MAP2K4: variants seen among roughly 807,000 people sequenced by gnomAD.
MAP2K4 encodes the protein mitogen-activated protein kinase kinase 4.
MAP2K4 carries 4 observed loss-of-function variants against 48.5 expected under a neutral mutation model. The observed-to-expected ratio is 0.08, with a 90% CI of 0.04 to 0.19. The LOEUF is 0.19. Among genes scored for constraint, MAP2K4 ranks in the 10% least tolerant of loss-of-function variants. The pLI, the probability that MAP2K4 is intolerant of heterozygous loss-of-function variation, is 1.00. For synonymous variants in MAP2K4, 166 were observed against 173.1 expected (o/e 0.96, Z 0.32); for missense variants, 258 against 493.3 (o/e 0.52, Z 4.52).
intron 1 of MAP2K4, among the ~76,000 whole-genome samples, chr17:12,026,210 A>G (rs982359328): frequency 2.0e-5 from 3 of 152,198 alleles, no homozygotes; most frequent in Non-Finnish European, 4.4e-5. Context: ...TGTGTGCTGA[A>G]ACTTGTTTAA....
chr17:12,054,971 A>G lies in MAP2K4; in HGVS notation c.198A>G (p.Thr66=), dbSNP rs746529594. 5 of 1,610,680 alleles carry G rather than the reference A, an allele frequency of 3.1e-6. No homozygotes were observed. The African/African-American group carries it at 6.7e-5, about 22-fold the overall frequency. Reference sequence around the variant, plus strand: ...GGTTTACTCTGAATCCCAATCCTACAGGAGTTCAAAACCCACACATGTGAG... The same window carrying G: ...GGTTTACTCTGAATCCCAATCCTACGGGAGTTCAAAACCCACACATGTGAG... ...TARFTLNPNP[T]GVQNPHIERL... Residue 66 remains threonine, a synonymous_variant, in exon 2 of 11, where the codon ACA becomes ACG. Coordinates refer to ENST00000353533, the MANE Select transcript of MAP2K4 (RefSeq NM_003010.4).
chr17:12,142,057 G>T lies in MAP2K4; in HGVS notation c.*797G>T, dbSNP rs59832266. The T allele has an allele frequency of 3.4e-5, 8 of 233,350 alleles. No individual in the cohort carries two copies. The highest frequency in any genetic ancestry group is 3.0e-4 in the East Asian group (5 of 16,554). The allele number at this position is 233,350 out of a possible 1,614,324, so 14.5% of individuals were successfully genotyped here. On this transcript the variant is annotated 3_prime_UTR_variant, in exon 11 of 11. Transcript: ENST00000353533. ...AAGAATTTTTCATTCTCAGAATTCG[G>T]TGTGCTGCCAACTTGATGTTCCACC...
intron 2 of MAP2K4, among the ~76,000 whole-genome samples, chr17:12,080,906 C>A (rs781222073): frequency 6.6e-6 from 1 of 152,162 alleles, no homozygotes; most frequent in Admixed American, 6.5e-5. Context: ...AATAGTTGTA[C>A]TAACTGAAGA....
At chr17:12,088,440 T>C (rs1459077821) in intron 3 of MAP2K4, among the ~76,000 whole-genome samples, 1 of 94,638 alleles carries the variant, frequency 1.1e-5, no homozygotes, top group African/African-American at 3.6e-5. Flanking sequence ...ATATATTACA[T>C]ATAATATATA....
At chr17:12,059,761 A>G (rs185063290) in intron 2 of MAP2K4, among the ~76,000 whole-genome samples, 2 of 152,330 alleles carry the variant, frequency 1.3e-5, no homozygotes, top group Admixed American at 1.3e-4. Context: ...TCCCTAGTTA[A>G]TAACTAATAT....
intron 10 of MAP2K4, among the ~76,000 whole-genome samples, chr17:12,140,429 C>T (rs1973341275): frequency 6.6e-6 from 1 of 152,170 alleles, no homozygotes; most frequent in South Asian, 2.1e-4. Flanking sequence ...TAACTACTAG[C>T]TCTTCAAGGA....
At chr17:12,032,026 TAA>T (rs1969455739) in intron 1 of MAP2K4, among the ~76,000 whole-genome samples, 1 of 152,174 alleles carries the variant, frequency 6.6e-6, no homozygotes, top group Admixed American at 6.5e-5. Context: ...AAATAAAGAT[TAA>T]GACTGCAACA....
At chr17:12,117,799 G>T (rs897280528) in intron 7 of MAP2K4, among the ~76,000 whole-genome samples, 1 of 152,184 alleles carries the variant, frequency 6.6e-6, no homozygotes, top group Non-Finnish European at 1.5e-5. Context: ...TTACAGAAAA[G>T]TGTGGTGTTC....
chr17:12,133,752 A>G lies in MAP2K4; in HGVS notation c.1040+4465A>G, dbSNP rs187628436. On this transcript the variant is annotated intron_variant, in intron 9 of 10. Transcript: ENST00000353533. ...CTAATCCAAAATTTATCGTGTGCAG[A>G]GGGGAATATAAAAAGTCACTAGGAC... Among the ~76,000 whole-genome samples, 13 of 152,340 alleles carry G rather than the reference A, an allele frequency of 8.5e-5. No homozygotes were observed. In the East Asian group the frequency reaches 2.5e-3, roughly 29 times the overall value.
chr17:12,111,954 C>T (rs771156490), intron 6 of MAP2K4, among the ~76,000 whole-genome samples: 1 of 152,148 alleles, frequency 6.6e-6, no homozygotes, highest in Non-Finnish European at 1.5e-5. Context: ...GAGGTGCTCT[C>T]GTGCTGTGCA....
intron 2 of MAP2K4, among the ~76,000 whole-genome samples, chr17:12,067,846 T>C (rs758156947): frequency 6.6e-6 from 1 of 152,234 alleles, no homozygotes. Context: ...TGTTACTTCA[T>C]GAAGCTTGAG....
At chr17:12,048,949 G>A (rs1381457828) in intron 1 of MAP2K4, among the ~76,000 whole-genome samples, 6 of 152,118 alleles carry the variant, frequency 3.9e-5, no homozygotes, top group African/African-American at 1.4e-4. Context: ...GAGCCACCGT[G>A]CCTGACCTAA....
chr17:12,034,719 A>G (rs1969540174), intron 1 of MAP2K4, among the ~76,000 whole-genome samples: 1 of 152,184 alleles, frequency 6.6e-6, no homozygotes, highest in African/African-American at 2.4e-5. Context: ...ATACTAATTG[A>G]TTTTTAACTG....
intron 3 of MAP2K4, among the ~76,000 whole-genome samples, chr17:12,088,575 AAT>A (rs1971459298): frequency 2.2e-5 from 3 of 138,072 alleles, no homozygotes; most frequent in Admixed American, 7.8e-5. Context: ...TTAAATATAT[AAT>A]ATATAATATA....
At chr17:12,052,737 A>G (rs189166613) in intron 1 of MAP2K4, among the ~76,000 whole-genome samples, 1 of 152,234 alleles carries the variant, frequency 6.6e-6, no homozygotes, top group East Asian at 1.9e-4. Flanking sequence ...GTTTGTAAAG[A>G]TTTTCTTCAA....
intron 2 of MAP2K4, among the ~76,000 whole-genome samples, chr17:12,060,578 G>A (rs1214088516): frequency 1.3e-5 from 2 of 152,150 alleles, no homozygotes; most frequent in Non-Finnish European, 2.9e-5. Context: ...GTTTTTTTCT[G>A]TCTCTGAAAT....
chr17:12,128,284 AGACAGGATGGT>A (rs1241243832), intron 8 of MAP2K4, among the ~76,000 whole-genome samples: 3 of 152,114 alleles, frequency 2.0e-5, no homozygotes, highest in Non-Finnish European at 4.4e-5. Context: ...TCACCGTGTT[AGACAGGATGGT>A]GTCCATCTCC....
intron 2 of MAP2K4, among the ~76,000 whole-genome samples, chr17:12,059,546 A>G (rs1008562540): frequency 4.6e-5 from 7 of 152,236 alleles, no homozygotes; most frequent in African/African-American, 1.7e-4. Flanking sequence ...ACTAGCTTAA[A>G]AGTTAACACT....
intron 4 of MAP2K4, among the ~76,000 whole-genome samples, chr17:12,098,803 T>C (rs955446814): frequency 5.3e-5 from 8 of 152,268 alleles, no homozygotes; most frequent in African/African-American, 1.7e-4. Flanking sequence ...ATACAACCAC[T>C]AGACTCAGCT....
Sources: gnomAD v4.1 joint callset for allele counts (sites outside exome capture counted in the v4.1 genomes callset) on GRCh38, gnomAD v4.1.1 for gene constraint, MANE v1.5 for transcripts, NCBI Gene and HGNC (gene_info 2026-07-23, HGNC 2026-07-21) for gene names.